TRABD2B: variants seen among roughly 807,000 people sequenced by gnomAD.
TRABD2B encodes TraB domain containing 2B, also known as metalloprotease TIKI2.
A neutral mutation model predicts 40.1 loss-of-function variants in TRABD2B; 14 were observed. The ratio of observed to expected loss-of-function variants is 0.35; its 90% CI spans 0.23 to 0.55. The LOEUF is 0.55. TRABD2B is among the 20% of genes least tolerant of loss of function. TRABD2B has a pLI of 0.90. For missense variants in TRABD2B, 541 were observed against 648.6 expected (o/e 0.83, Z 1.80); for synonymous variants, 263 against 277.0 (o/e 0.95, Z 0.50).
In TRABD2B at chr1:47,792,733, C is replaced by T. The variant is rs574419903; in HGVS notation, c.988+1853G>A. Among the ~76,000 whole-genome samples, 11 of 152,188 alleles carry T rather than the reference C, an allele frequency of 7.2e-5. No individual in the cohort carries two copies. In the East Asian group the frequency reaches 7.7e-4, roughly 11 times the overall value. On this transcript the variant is annotated intron_variant, in intron 4 of 6. Coordinates refer to ENST00000606738, the MANE Select transcript of TRABD2B (RefSeq NM_001194986.2). ...CACAGACAGAGCTGGTGGTAGCTACCCCCAGCCCTGGGAGACTCTGCTCCT... is the reference window on the plus strand; with the variant it reads ...CACAGACAGAGCTGGTGGTAGCTACTCCCAGCCCTGGGAGACTCTGCTCCT...
chr1:47,914,115 C>G (rs1381491146), intron 2 of TRABD2B, among the ~76,000 whole-genome samples: 1 of 152,218 alleles, frequency 6.6e-6, no homozygotes, highest in African/African-American at 2.4e-5. Context: ...TAAGGCAAAG[C>G]CTGGATAACT....
chr1:47,934,894 C>T (rs1021806845), intron 2 of TRABD2B, among the ~76,000 whole-genome samples: 1 of 152,210 alleles, frequency 6.6e-6, no homozygotes, highest in Admixed American at 6.5e-5. Flanking sequence ...CTCCCTTCCT[C>T]TCAAAATGCA....
At chr1:47,882,942 C>A (rs181265254) in intron 2 of TRABD2B, among the ~76,000 whole-genome samples, 1 of 152,094 alleles carries the variant, frequency 6.6e-6, no homozygotes. Context: ...CCACAACCCC[C>A]GGCAGGTCTC....
intron 2 of TRABD2B, among the ~76,000 whole-genome samples, chr1:47,950,870 C>G (rs1645332821): frequency 6.6e-6 from 1 of 152,178 alleles, no homozygotes; most frequent in Admixed American, 6.5e-5. Context: ...AATGGAAACT[C>G]CACTGGCAGT....
At chr1:47,981,983 G>T (rs1469094621) in intron 2 of TRABD2B, among the ~76,000 whole-genome samples, 3 of 152,198 alleles carry the variant, frequency 2.0e-5, no homozygotes, top group Non-Finnish European at 2.9e-5. Context: ...TCAAGCTGGG[G>T]ACTCCAGCCT....
At chr1:47,830,313 T>TA (rs35551017) in intron 2 of TRABD2B, among the ~76,000 whole-genome samples, 1 of 152,232 alleles carries the variant, frequency 6.6e-6, no homozygotes, top group Non-Finnish European at 1.5e-5. Flanking sequence ...GTGATAACAT[T>TA]AAATTCTAGA....
At chr1:47,938,516 A>C (rs1388443879) in intron 2 of TRABD2B, among the ~76,000 whole-genome samples, 2 of 152,168 alleles carry the variant, frequency 1.3e-5, no homozygotes, top group Non-Finnish European at 2.9e-5. Flanking sequence ...TCTTTTTGGA[A>C]GCACTAGACA....
At chr1:47,943,974 C>T (rs1224924635) in intron 2 of TRABD2B, among the ~76,000 whole-genome samples, 1 of 152,198 alleles carries the variant, frequency 6.6e-6, no homozygotes, top group Admixed American at 6.5e-5. Context: ...ATCTGAGATT[C>T]AGCCAGACAC....
intron 2 of TRABD2B, among the ~76,000 whole-genome samples, chr1:47,837,255 G>A (rs1415931239): frequency 6.6e-6 from 1 of 152,134 alleles, no homozygotes; most frequent in African/African-American, 2.4e-5. Context: ...CTCCTTATGA[G>A]GAAATGTCAT....
Position 47,994,579 on chromosome 1 carries a change from AG to A in TRABD2B, c.120del (p.Phe41SerfsTer81). On this transcript the variant is annotated frameshift_variant, in exon 2 of 7. Coordinates refer to ENST00000606738, the MANE Select transcript of TRABD2B (RefSeq NM_001194986.2). LOFTEE classifies it high-confidence loss of function. The surrounding 1 kb of genome is among the most constrained non-coding windows in gnomAD (Gnocchi z 6.7). ...GGATCACGCCGAATCGTCCACAGGA[AG>A]GAGTTCAAGTCCCTCTGCTGCAGGA... ...RPPGSQRDLN[S>X]FLWTIRRDPP... 6.5e-7 allele frequency: 1 copy of A among 1,535,572 alleles called. No individual in the cohort carries two copies. Among genetic ancestry groups the A allele is most frequent in the Non-Finnish European group, 8.7e-7 (1 of 1,146,710 alleles).
chr1:47,792,958 G>A (rs748589429), intron 4 of TRABD2B, among the ~76,000 whole-genome samples: 9 of 152,076 alleles, frequency 5.9e-5, no homozygotes, highest in African/African-American at 4.8e-5. Context: ...GAGGGAGGGC[G>A]GAAGAGGCAG....
intron 2 of TRABD2B, among the ~76,000 whole-genome samples, chr1:47,808,525 T>C (rs1424934366): frequency 6.6e-6 from 1 of 152,170 alleles, no homozygotes; most frequent in Non-Finnish European, 1.5e-5. Context: ...TGGCTGAAGC[T>C]GAGCCAACAA....
At chr1:47,809,595 G>A (rs1360958785) in intron 2 of TRABD2B, among the ~76,000 whole-genome samples, 1 of 152,174 alleles carries the variant, frequency 6.6e-6, no homozygotes, top group African/African-American at 2.4e-5. Context: ...TCAAAGGTTA[G>A]AGCTGCCAGG....
chr1:47,869,658 G>A (rs1557625540), intron 2 of TRABD2B, among the ~76,000 whole-genome samples: 1 of 152,192 alleles, frequency 6.6e-6, no homozygotes, highest in Non-Finnish European at 1.5e-5. Context: ...AGAGGGCAGA[G>A]AGAAGGCAGG....
intron 4 of TRABD2B, among the ~76,000 whole-genome samples, chr1:47,781,865 G>C (rs139643768): frequency 4.3e-4 from 65 of 152,288 alleles, no homozygotes; most frequent in Admixed American, 1.5e-3. Flanking sequence ...CCCACAGCTG[G>C]GTTGGCAACA....
intron 5 of TRABD2B, among the ~76,000 whole-genome samples, chr1:47,777,684 C>G (rs566546771): frequency 6.6e-6 from 1 of 152,208 alleles, no homozygotes; most frequent in Non-Finnish European, 1.5e-5. Context: ...CTATGAAGAT[C>G]CAAGCTTCTT....
intron 4 of TRABD2B, among the ~76,000 whole-genome samples, chr1:47,786,058 G>A (rs989890855): frequency 6.6e-6 from 1 of 152,196 alleles, no homozygotes; most frequent in Non-Finnish European, 1.5e-5. Context: ...CTGAAATAAT[G>A]GTGGCAACAC....
At chr1:47,818,168 G>T (rs1164896896) in intron 2 of TRABD2B, 2 of 152,318 alleles carry the variant, frequency 1.3e-5, no homozygotes, top group African/African-American at 2.4e-5. Context: ...TGGCACCCAT[G>T]GGATGGAGGG....
intron 2 of TRABD2B, among the ~76,000 whole-genome samples, chr1:47,957,151 G>A (rs1258823445): frequency 1.3e-5 from 2 of 152,210 alleles, no homozygotes; most frequent in Admixed American, 6.5e-5. Flanking sequence ...GGTCCTGACT[G>A]TTAGAAAGAA....
Sources: allele counts gnomAD v4.1 joint callset (sites outside exome capture counted in the v4.1 genomes callset), GRCh38; gene constraint gnomAD v4.1.1; non-coding constraint Gnocchi (gnomAD v3.1); transcripts MANE v1.5; gene names NCBI Gene and HGNC (gene_info 2026-07-23, HGNC 2026-07-21).